NRF1: variants seen among roughly 807,000 people sequenced by gnomAD.
NRF1 encodes nuclear respiratory factor 1, also known as alpha palindromic-binding protein.
Under a neutral mutation model 58.5 loss-of-function variants are expected in NRF1, and 5 were observed. That is an observed-to-expected ratio of 0.09 (90% CI 0.04 to 0.18). The LOEUF (loss-of-function observed/expected upper bound fraction) is 0.18, where lower values mean the gene tolerates loss of function less well. Among genes scored for constraint, NRF1 ranks in the 10% least tolerant of loss-of-function variants. The pLI is 1.00. For synonymous variants in NRF1, 224 were observed against 246.7 expected, an observed-to-expected ratio of 0.91 and a Z score of 0.86; for missense variants, 288 against 657.7, an observed-to-expected ratio of 0.44 and a Z score of 6.15.
In NRF1 at chr7:129,755,023, G is replaced by C; in HGVS notation, c.1354G>C (p.Val452Leu). Residue 452 changes from valine (V) to leucine (L), a missense_variant, in exon 11 of 11, where the codon GTC (valine) becomes CTC (leucine). Physicochemically the swap from Val to Leu is conservative, Grantham distance 32. Coordinates refer to ENST00000393232, the MANE Select transcript of NRF1 (RefSeq NM_005011.5). The surrounding 1 kb of genome is among the most constrained non-coding windows in gnomAD (Gnocchi z 5.8). ...TCTTCTCTTTGTCTCTCCAGGCCTGGTCCAGATCCCTGTGAGCATGTACCA... is the reference window on the plus strand; with the variant it reads ...TCTTCTCTTTGTCTCTCCAGGCCTGCTCCAGATCCCTGTGAGCATGTACCA... ...LTGVQDANGL[V>L]QIPVSMYQTV... 1 of 1,609,168 alleles carries C rather than the reference G, an allele frequency of 6.2e-7. No individual in the cohort carries two copies. The highest frequency in any genetic ancestry group is 1.1e-5 in the South Asian group (1 of 90,182).
At chr7:129,744,265 G>A (rs958238968) in intron 10 of NRF1, 5 of 1,535,620 alleles carry the variant, frequency 3.3e-6, no homozygotes, top group Non-Finnish European at 3.5e-6. Context: ...GAAGCAGCTG[G>A]AGGATAGAGT....
intron 1 of NRF1, among the ~76,000 whole-genome samples, chr7:129,645,213 G>A (rs1801378314): frequency 6.6e-6 from 1 of 152,112 alleles, no homozygotes; most frequent in Admixed American, 6.6e-5. Flanking sequence ...GTAATTCTAT[G>A]AAGTAGATTC....
chr7:129,660,368 C>G (rs1228967052), intron 2 of NRF1, among the ~76,000 whole-genome samples: 1 of 150,798 alleles, frequency 6.6e-6, no homozygotes, highest in Non-Finnish European at 1.5e-5. Context: ...AGTCTTAACT[C>G]ATTTCAGCAT....
intron 2 of NRF1, among the ~76,000 whole-genome samples, chr7:129,663,151 T>C (rs1283677940): frequency 3.3e-5 from 5 of 152,208 alleles, no homozygotes; most frequent in South Asian, 2.1e-4. Context: ...CTATGTCTAC[T>C]TCTTTCTACA....
Position 129,706,982 on chromosome 7 carries a change from TTTTTG to T in NRF1, c.607-2067_607-2063del, listed in dbSNP as rs541695552. Among the ~76,000 whole-genome samples, 36 of 152,028 alleles carry T rather than the reference TTTTTG, an allele frequency of 2.4e-4. No homozygotes were observed. In the East Asian group the frequency reaches 2.7e-3, roughly 11 times the overall value. ...TCTTGCTCTGTCACCCGCTTTAGGA[TTTTTG>T]TTTTGTTTTGTTTTGTTTTGTTTTG... is the stretch of plus-strand genomic sequence containing the variant. On this transcript the variant is annotated intron_variant, in intron 5 of 10. Transcript: ENST00000393232.
At chr7:129,647,555 C>T (rs950557591) in intron 1 of NRF1, among the ~76,000 whole-genome samples, 4 of 152,032 alleles carry the variant, frequency 2.6e-5, no homozygotes, top group Admixed American at 6.6e-5. Context: ...GCCACCACCC[C>T]TGGCTAATTT....
Position 129,710,568 on chromosome 7 carries a change from C to G in NRF1, c.960C>G (p.Ile320Met). ...ACCCTGATGGCACTGTCTCACTTATCCAGGTGAGTAAACCTGAGGGCTACC... is the reference window on the plus strand; with the variant it reads ...ACCCTGATGGCACTGTCTCACTTATGCAGGTGAGTAAACCTGAGGGCTACC... ...FSNPDGTVSL[I>M]QVGTGATVAT... The change falls in exon 7 of 11, where the codon ATC becomes ATG. Residue 320 changes from isoleucine to methionine, a missense_variant. Physicochemically the swap from Ile to Met is conservative, Grantham distance 10. Transcript: ENST00000393232. 6.7e-7 allele frequency: 1 copy of G among 1,482,676 alleles called. No individual in the cohort carries two copies. Among genetic ancestry groups the G allele is most frequent in the Non-Finnish European group, 9.4e-7 (1 of 1,059,934 alleles). The allele number at this position is 1,482,676 out of a possible 1,614,324, so 91.8% of individuals were successfully genotyped here. A position where few individuals can be genotyped will look rare whatever the true frequency, so the allele number is the denominator to read the frequency against.
chr7:129,622,501 TTAAAGA>T (rs1800821817), intron 1 of NRF1, among the ~76,000 whole-genome samples: 1 of 152,136 alleles, frequency 6.6e-6, no homozygotes, highest in South Asian at 2.1e-4. Context: ...CAGAAGAAAA[TTAAAGA>T]TAATTCTACA....
At chr7:129,716,869 CAAAA>C (rs35766307) in intron 8 of NRF1, among the ~76,000 whole-genome samples, 1 of 143,142 alleles carries the variant, frequency 7.0e-6, no homozygotes, top group Non-Finnish European at 1.5e-5. Context: ...GACTCCCTCT[CAAAA>C]AAAAAAAAAA....
At chr7:129,634,041 A>AAATATAT (rs1163693215) in intron 1 of NRF1, among the ~76,000 whole-genome samples, 3 of 113,810 alleles carry the variant, frequency 2.6e-5, no homozygotes, top group African/African-American at 1.1e-4. Context: ...AAAAAAAAAA[A>AAATATAT]AGATATATAT....
chr7:129,707,479 T>C (rs1802978321), intron 5 of NRF1, among the ~76,000 whole-genome samples: 1 of 152,176 alleles, frequency 6.6e-6, no homozygotes, highest in East Asian at 1.9e-4. Flanking sequence ...TTTTTTAACA[T>C]GAAGAAGTAT....
At chr7:129,740,635 C>G (rs1803825091) in intron 10 of NRF1, among the ~76,000 whole-genome samples, 1 of 152,166 alleles carries the variant, frequency 6.6e-6, no homozygotes, top group East Asian at 1.9e-4. Flanking sequence ...TTTTCTTTGC[C>G]TCCTGCAGAG....
At chr7:129,640,033 T>C (rs1038101077) in intron 1 of NRF1, among the ~76,000 whole-genome samples, 3 of 152,332 alleles carry the variant, frequency 2.0e-5, no homozygotes, top group South Asian at 4.1e-4. Context: ...CATTTATTCC[T>C]GTGGCTGAGA....
chr7:129,674,516 C>G (rs1375078161), intron 3 of NRF1, among the ~76,000 whole-genome samples: 2 of 152,060 alleles, frequency 1.3e-5, no homozygotes, highest in Non-Finnish European at 2.9e-5. Context: ...CTCACTGCAG[C>G]CTCAATCTCC....
chr7:129,661,816 T>C (rs1057443045), intron 2 of NRF1, among the ~76,000 whole-genome samples: 9 of 150,882 alleles, frequency 6.0e-5, no homozygotes, highest in Admixed American at 5.2e-4. Flanking sequence ...CATTTTTAGG[T>C]ATCTTTTCAG....
chr7:129,613,025 ATTTC>A (rs767866833), intron 1 of NRF1, among the ~76,000 whole-genome samples: 1 of 152,276 alleles, frequency 6.6e-6, no homozygotes, highest in East Asian at 1.9e-4. Context: ...AATCGTGCTG[ATTTC>A]TTTATGTGGT....
At chr7:129,735,244 T>C (rs1170683971) in intron 10 of NRF1, 4 of 985,430 alleles carry the variant, frequency 4.1e-6, no homozygotes, top group Non-Finnish European at 4.8e-6. Context: ...GTTTAAAAAT[T>C]AAAGCTGCTG....
At chr7:129,703,775 TTG>T (rs1214831294) in intron 5 of NRF1, among the ~76,000 whole-genome samples, 1 of 152,210 alleles carries the variant, frequency 6.6e-6, no homozygotes. Flanking sequence ...GAATTAGAAC[TTG>T]TATGCCAGCA....
intron 10 of NRF1, among the ~76,000 whole-genome samples, chr7:129,732,595 G>A (rs75808705): frequency 2.0e-5 from 1 of 49,774 alleles, no homozygotes; most frequent in African/African-American, 8.3e-5. Context: ...TGTCCTTTGG[G>A]GTTTTTGTTT....
Sources: gnomAD v4.1 joint callset for allele counts (sites outside exome capture counted in the v4.1 genomes callset) on GRCh38, gnomAD v4.1.1 for gene constraint, Gnocchi (gnomAD v3.1) non-coding constraint, MANE v1.5 for transcripts, NCBI Gene and HGNC (gene_info 2026-07-23, HGNC 2026-07-21) for gene names.